CDH13: variants seen among roughly 807,000 people sequenced by gnomAD.
The protein encoded by CDH13 is cadherin-13.
CDH13 carries 24 observed loss-of-function variants against 63.8 expected under a neutral mutation model. The ratio of observed to expected loss-of-function variants is 0.38; its 90% CI spans 0.27 to 0.53. CDH13 has a LOEUF of 0.53. CDH13 is among the 20% of genes least tolerant of loss of function. CDH13 has a pLI of 0.85. For missense variants in CDH13, 1,049 were observed against 903.1 expected (o/e 1.16, Z -2.07); for synonymous variants, 503 against 355.3 (o/e 1.42, Z -4.67).
At chr16:83,121,350 C>G (rs1008080708) in intron 3 of CDH13, among the ~76,000 whole-genome samples, 1 of 152,180 alleles carries the variant, frequency 6.6e-6, no homozygotes, top group Non-Finnish European at 1.5e-5. Flanking sequence ...TCTCTGCTAG[C>G]TAGGTAAATT....
chr16:83,360,469 A>C (rs1441721617), intron 6 of CDH13, among the ~76,000 whole-genome samples: 1 of 147,296 alleles, frequency 6.8e-6, no homozygotes, highest in Admixed American at 6.7e-5. Context: ...TATAATCTCA[A>C]CCTTTTTTTT....
chr16:82,802,439 A>G (rs1186357420), intron 1 of CDH13, among the ~76,000 whole-genome samples: 1 of 152,178 alleles, frequency 6.6e-6, no homozygotes, highest in Non-Finnish European at 1.5e-5. Context: ...TTTCAAAGAA[A>G]GGACATTCAG....
intron 8 of CDH13, among the ~76,000 whole-genome samples, chr16:83,634,112 GTT>G (rs769434037): frequency 5.1e-5 from 6 of 117,174 alleles, no homozygotes. Context: ...ATTTTTGTGT[GTT>G]TTCTGTGTGT....
intron 8 of CDH13, among the ~76,000 whole-genome samples, chr16:83,621,181 G>T (rs543039454): frequency 1.3e-5 from 2 of 152,258 alleles, no homozygotes; most frequent in South Asian, 4.2e-4. Context: ...CTTCTGTCCC[G>T]TGAAAGGATT....
chr16:83,679,191 A>T (rs898670091), intron 10 of CDH13, among the ~76,000 whole-genome samples: 1 of 152,238 alleles, frequency 6.6e-6, no homozygotes. Flanking sequence ...AGATTTAATT[A>T]AATGGTCGCT....
At chr16:82,907,354 C>T (rs143266266) in intron 2 of CDH13, among the ~76,000 whole-genome samples, 1 of 152,210 alleles carries the variant, frequency 6.6e-6, no homozygotes, top group African/African-American at 2.4e-5. Context: ...ATCCCAAGGG[C>T]TCCACAAACC....
At chr16:83,105,296 C>T (rs547916622) in intron 3 of CDH13, among the ~76,000 whole-genome samples, 5 of 152,312 alleles carry the variant, frequency 3.3e-5, no homozygotes, top group African/African-American at 1.2e-4. Context: ...CAAAGTCAAA[C>T]GCTGTTTTTC....
chr16:83,243,563 G>A (rs937704335), intron 5 of CDH13, among the ~76,000 whole-genome samples: 2 of 152,078 alleles, frequency 1.3e-5, no homozygotes, highest in African/African-American at 4.8e-5. Flanking sequence ...TCATATCAAT[G>A]GCTAAGACTC....
intron 3 of CDH13, among the ~76,000 whole-genome samples, chr16:83,036,143 C>CTTTTTTT (rs34375178): frequency 1.7e-4 from 15 of 90,820 alleles, no homozygotes; most frequent in Admixed American, 1.5e-3. Flanking sequence ...GAGCTCTCCT[C>CTTTTTTT]TTTTTTTTTT....
intron 8 of CDH13, among the ~76,000 whole-genome samples, chr16:83,603,356 A>T (rs1908028672): frequency 6.6e-6 from 1 of 152,166 alleles, no homozygotes; most frequent in African/African-American, 2.4e-5. Flanking sequence ...ACTTTTGCAG[A>T]GTCTTTACTG....
intron 1 of CDH13, among the ~76,000 whole-genome samples, chr16:82,841,852 G>A (rs2039020516): frequency 6.6e-6 from 1 of 151,900 alleles, no homozygotes; most frequent in South Asian, 2.1e-4. Context: ...ATGAAAGACA[G>A]TTGTACACAG....
intron 5 of CDH13, among the ~76,000 whole-genome samples, chr16:83,258,248 T>C (rs891901823): frequency 9.9e-5 from 15 of 152,192 alleles, no homozygotes; most frequent in African/African-American, 3.6e-4. Context: ...TAAAAACATT[T>C]TTACCACCAA....
chr16:83,034,762 C>T (rs1301193735), intron 3 of CDH13, among the ~76,000 whole-genome samples: 3 of 152,156 alleles, frequency 2.0e-5, no homozygotes, highest in African/African-American at 7.2e-5. Context: ...GGACCAACCC[C>T]ACCTTGAGGG....
At chr16:83,497,154 T>A (rs1391686762) in intron 7 of CDH13, among the ~76,000 whole-genome samples, 1 of 152,176 alleles carries the variant, frequency 6.6e-6, no homozygotes, top group African/African-American at 2.4e-5. Context: ...AGCCATCCCA[T>A]TACTGGGTAT....
Position 82,653,016 on chromosome 16 carries a change from C to T in CDH13, c.45+25879C>T, listed in dbSNP as rs192886016. Reference sequence around the variant, plus strand: ...GTAAACAGGCGACCAAAAGGTAGTCCGTGACCCCAGGATGTTGTAATTCAG... The same window carrying T: ...GTAAACAGGCGACCAAAAGGTAGTCTGTGACCCCAGGATGTTGTAATTCAG... On this transcript the variant is annotated intron_variant, in intron 1 of 13. Coordinates refer to ENST00000567109, the MANE Select transcript of CDH13 (RefSeq NM_001257.5). Among the ~76,000 whole-genome samples, 30 of 152,294 alleles carry T rather than the reference C, an allele frequency of 2.0e-4. No individual in the cohort carries two copies. In the East Asian group the frequency reaches 3.7e-3, roughly 19 times the overall value.
intron 2 of CDH13, among the ~76,000 whole-genome samples, chr16:82,870,938 C>G (rs750020940): frequency 6.6e-6 from 1 of 152,276 alleles, no homozygotes; most frequent in African/African-American, 2.4e-5. Context: ...TTCTGATATC[C>G]AGTAGGCTTC....
intron 1 of CDH13, among the ~76,000 whole-genome samples, chr16:82,730,721 G>A (rs999848453): frequency 1.3e-5 from 2 of 152,198 alleles, no homozygotes; most frequent in East Asian, 3.8e-4. Context: ...AAAATATGCA[G>A]TATCTGCAAA....
intron 1 of CDH13, among the ~76,000 whole-genome samples, chr16:82,838,470 C>G (rs772783076): frequency 2.6e-5 from 4 of 152,156 alleles, no homozygotes; most frequent in African/African-American, 4.8e-5. Flanking sequence ...TGTTTATTGA[C>G]TTAAAGTATT....
chr16:83,512,685 TATA>T (rs34847188), intron 7 of CDH13, among the ~76,000 whole-genome samples: 1 of 146,482 alleles, frequency 6.8e-6, no homozygotes, highest in Admixed American at 6.8e-5. Flanking sequence ...ATAATAATAA[TATA>T]ATAATAATAA....
Sources: gnomAD v4.1 joint callset for allele counts (sites outside exome capture counted in the v4.1 genomes callset) on GRCh38, gnomAD v4.1.1 for gene constraint, MANE v1.5 for transcripts, NCBI Gene and HGNC (gene_info 2026-07-23, HGNC 2026-07-21) for gene names.